The following TRIO variants were observed in gnomAD, a reference collection of about 807,000 sequenced individuals.
The protein encoded by TRIO is trio Rho guanine nucleotide exchange factor.
A neutral mutation model predicts 351.9 loss-of-function variants in TRIO; 58 were observed. The ratio of observed to expected loss-of-function variants is 0.16; its 90% CI spans 0.13 to 0.21. The LOEUF is 0.21. TRIO is among the 10% of genes least tolerant of loss of function. TRIO has a pLI of 1.00. For synonymous variants in TRIO, 1,758 were observed against 1,595.7 expected (o/e 1.10, Z -2.42); for missense variants, 3,201 against 4,027.8 (o/e 0.79, Z 5.56).
intron 1 of TRIO, among the ~76,000 whole-genome samples, chr5:14,209,315 C>T (rs998635985): frequency 7.2e-5 from 11 of 152,164 alleles, no homozygotes; most frequent in African/African-American, 2.7e-4. Context: ...TATTTGCCAT[C>T]ATTTCTTAAA....
intron 45 of TRIO, 32 bp downstream of exon 45, chr5:14,481,650 C>T (rs1755526484): frequency 1.2e-6 from 2 of 1,608,072 alleles, no homozygotes; most frequent in Non-Finnish European, 1.7e-6. Flanking sequence ...AAGAGAGCTC[C>T]TCTGCCTTCA....
At chr5:14,472,543 A>G (rs746913666) in intron 38 of TRIO, 49 bp from the exon 39 acceptor site, 17 of 1,606,060 alleles carry the variant, frequency 1.1e-5, no homozygotes, top group Non-Finnish European at 1.4e-5. Context: ...GTACAAAAAA[A>G]TTCATTTAGA....
At position 14,497,610 on chromosome 5, in the gene TRIO, T is replaced by A. The variant is rs140176278; in HGVS notation, c.8020-237T>A. ...GACCAGCTGGACTCAGCCTGTAGCA[T>A]GAGAAAAACACACATCTAAGCAGTG... On this transcript the variant is annotated intron_variant, in intron 50 of 56. Transcript: ENST00000344204. This position sits in a 1 kb window ranked among gnomAD's most constrained non-coding sequence, Gnocchi z 4.4. Among the ~76,000 whole-genome samples the A allele has an allele frequency of 3.3e-4, 51 of 152,256 alleles. No homozygotes were observed. Among genetic ancestry groups the A allele is most frequent in the African/African-American group, 1.1e-3 (46 of 41,552 alleles).
chr5:14,326,094 G>A (rs374007343), intron 9 of TRIO, among the ~76,000 whole-genome samples: 1 of 152,180 alleles, frequency 6.6e-6, no homozygotes, highest in South Asian at 2.1e-4. Flanking sequence ...GCACACTCAG[G>A]CTTTCCCATA....
chr5:14,361,693 G>C (rs1256009137), intron 13 of TRIO, among the ~76,000 whole-genome samples: 1 of 152,214 alleles, frequency 6.6e-6, no homozygotes, highest in East Asian at 1.9e-4. Flanking sequence ...TGTGGATGGA[G>C]GTCCAGTGTG....
rs200287395 is a variant in TRIO, at chr5:14,224,660, C to A, written c.158-46165C>A. 1.4e-4 allele frequency among the ~76,000 whole-genome samples: 12 copies of A among 83,620 alleles called. No individual in the cohort carries two copies. In the East Asian group the frequency reaches 6.3e-3, roughly 44 times the overall value. The allele number at this position is 83,620 out of a possible 152,430, so 54.9% of individuals were successfully genotyped here. A position where few individuals can be genotyped will look rare whatever the true frequency, so the allele number is the denominator to read the frequency against. Reference sequence around the variant, plus strand: ...AGTAAATAAAGCTTTACAGAAGAGGCAAAGTGGAAGGACTCAGTGGCTAAA... The same window carrying A: ...AGTAAATAAAGCTTTACAGAAGAGGAAAAGTGGAAGGACTCAGTGGCTAAA... On this transcript the variant is annotated intron_variant, in intron 1 of 56. Coordinates refer to ENST00000344204, the MANE Select transcript of TRIO (RefSeq NM_007118.4).
rs776266286 is a variant in TRIO, at chr5:14,366,886, G to A, written c.2781G>A (p.Glu927=). 15 of 1,614,176 alleles carry A rather than the reference G, an allele frequency of 9.3e-6. No homozygotes were observed. The highest frequency in any genetic ancestry group is 1.3e-5 in the Non-Finnish European group (15 of 1,180,032). The part of the protein sequence containing the change: ...KQVLGWIRNG[E]SMLNAGLITA... ...TGCTGGGTTGGATCCGCAACGGAGAGTCCATGTTAAATGCCGGACTTATCA... is the reference window on the plus strand; with the variant it reads ...TGCTGGGTTGGATCCGCAACGGAGAATCCATGTTAAATGCCGGACTTATCA... The change falls in exon 16 of 57, where the codon GAG becomes GAA. Residue 927 remains glutamate (E), a synonymous_variant. Coordinates refer to ENST00000344204, the MANE Select transcript of TRIO (RefSeq NM_007118.4).
intron 2 of TRIO, among the ~76,000 whole-genome samples, chr5:14,272,486 TAC>T (rs749590034): frequency 1.4e-4 from 21 of 152,260 alleles, no homozygotes; most frequent in Non-Finnish European, 2.5e-4. Flanking sequence ...TTATATAGTT[TAC>T]AGTCAACACT....
In TRIO at chr5:14,394,103, A is replaced by G; in HGVS notation, c.4284A>G (p.Arg1428=). 6.2e-7 allele frequency: 1 copy of G among 1,612,738 alleles called. No homozygotes were observed. The highest frequency in any genetic ancestry group is 8.5e-7 in the Non-Finnish European group (1 of 1,179,172). Residue 1428 remains arginine, a synonymous_variant, in exon 28 of 57, where the codon CGA becomes CGG. Transcript: ENST00000344204. ...ISSYLIKPVQ[R]ITKYQLLLKE... is the part of the protein sequence containing the mutation. ...CCTACCTTATTAAACCAGTTCAGCG[A>G]ATAACGAAGTATCAGCTCCTTTTAA...
At chr5:14,446,788 G>A (rs2126396016) in intron 34 of TRIO, among the ~76,000 whole-genome samples, 1 of 152,228 alleles carries the variant, frequency 6.6e-6, no homozygotes, top group Admixed American at 6.5e-5. Context: ...ATTAACCAGG[G>A]ACTGTATAAT....
intron 11 of TRIO, among the ~76,000 whole-genome samples, chr5:14,349,711 T>TA (rs144419189): frequency 0.022 from 3,320 of 152,302 alleles, 114 homozygotes; most frequent in African/African-American, 0.076. Flanking sequence ...ATCCGTCTTT[T>TA]AAAAAAATGT....
chr5:14,500,177 A>C (rs79174262), intron 53 of TRIO, among the ~76,000 whole-genome samples: 2,730 of 152,216 alleles, frequency 0.018, 75 homozygotes, highest in African/African-American at 0.058. Flanking sequence ...GAATTATCTT[A>C]TGTGGACTAT....
rs761219129 is a variant in TRIO at position 14,472,576 on chromosome 5, T to C, written c.5913-16T>C. 6.2e-6 allele frequency: 10 copies of C among 1,613,520 alleles called. No individual in the cohort carries two copies. The Admixed American group carries it at 1.7e-4, about 27-fold the overall frequency. ...AGAAAACAGTTTGCATGATAAACAA[T>C]ATTTTTTCTCTCCAGCTACGTTTTG... is the stretch of plus-strand genomic sequence containing the variant. On this transcript the variant is annotated splice_polypyrimidine_tract_variant and intron_variant, in intron 38 of 56. Transcript: ENST00000344204.
intron 46 of TRIO, among the ~76,000 whole-genome samples, chr5:14,484,675 A>G (rs1755783364): frequency 6.6e-6 from 1 of 152,156 alleles, no homozygotes. Flanking sequence ...AAGAACATTC[A>G]TGTTTTGCAG....
chr5:14,177,622 C>T (rs181977804), intron 1 of TRIO, among the ~76,000 whole-genome samples: 196 of 152,290 alleles, frequency 1.3e-3, no homozygotes, highest in Non-Finnish European at 2.3e-3. Flanking sequence ...AGAATATTGC[C>T]GGGCTGACTG....
At chr5:14,390,824 C>A in intron 26 of TRIO, 77 bp from the exon 27 acceptor site, 1 of 1,252,398 alleles carries the variant, frequency 8.0e-7, no homozygotes, top group Non-Finnish European at 1.1e-6. Flanking sequence ...ATCCATACTG[C>A]TTCTTTTCTA....
chr5:14,369,325 C>A, intron 17 of TRIO, 49 bp from the exon 18 acceptor site: 1 of 1,551,454 alleles, frequency 6.4e-7, no homozygotes, highest in Non-Finnish European at 8.7e-7. Context: ...GGATACCAGT[C>A]GGCAGTGGCA....
intron 1 of TRIO, among the ~76,000 whole-genome samples, chr5:14,224,425 C>T (rs1020358662): frequency 2.0e-5 from 3 of 151,628 alleles, no homozygotes; most frequent in African/African-American, 7.3e-5. Flanking sequence ...CTGAGGTTCT[C>T]GGTGAGCACA....
intron 10 of TRIO, among the ~76,000 whole-genome samples, chr5:14,336,285 A>G (rs1741409079): frequency 1.3e-5 from 2 of 152,206 alleles, no homozygotes; most frequent in Non-Finnish European, 2.9e-5. Context: ...TTGCCTGCAG[A>G]TAGTCCATCA....
Sources: gnomAD v4.1 joint callset for allele counts (sites outside exome capture counted in the v4.1 genomes callset) on GRCh38, gnomAD v4.1.1 for gene constraint, Gnocchi (gnomAD v3.1) non-coding constraint, MANE v1.5 for transcripts, NCBI Gene and HGNC (gene_info 2026-07-23, HGNC 2026-07-21) for gene names.